GPAT3: variants seen among roughly 807,000 people sequenced by gnomAD.
GPAT3 encodes 1-AGP acyltransferase 9.
Under a neutral mutation model 58.8 loss-of-function variants are expected in GPAT3, and 53 were observed. The observed-to-expected ratio is 0.90, with a 90% CI of 0.72 to 1.13. GPAT3 has a LOEUF of 1.13. Ranked by LOEUF, GPAT3 falls within the 50% of genes most tolerant of loss-of-function variation. GPAT3 has a pLI of 0.00. For missense variants in GPAT3, 511 were observed against 527.6 expected (o/e 0.97, Z 0.31); for synonymous variants, 197 against 187.4 (o/e 1.05, Z -0.42).
In GPAT3 at chr4:83,565,585, G is replaced by A. The variant is rs369131797; in HGVS notation, c.209-15977G>A. Among the ~76,000 whole-genome samples, 29 of 151,524 alleles carry A rather than the reference G, an allele frequency of 1.9e-4. No individual in the cohort carries two copies. The East Asian group carries it at 5.7e-3, about 30-fold the overall frequency. ...GCGCTCTCGGCTCACCACAACCTCC[G>A]CCTCTAGGGCTCAAGCAATTCTGCC... On this transcript the variant is annotated intron_variant, in intron 2 of 11. Coordinates refer to ENST00000264409, the MANE Select transcript of GPAT3 (RefSeq NM_032717.5).
Position 83,604,697 on chromosome 4 carries a change from A to G in GPAT3, c.1235A>G (p.Lys412Arg). The G allele has an allele frequency of 3.1e-6, 5 of 1,613,998 alleles. No homozygotes were observed. The highest frequency in any genetic ancestry group is 4.2e-6 in the Non-Finnish European group (5 of 1,179,932). ...WDGGLKRAKV[K>R]DIFKEEQQKN... ...GGAGGACTAAAGAGAGCAAAGGTGAAGGACATCTTTAAGGAAGAGCAGCAG... is the reference window on the plus strand; with the variant it reads ...GGAGGACTAAAGAGAGCAAAGGTGAGGGACATCTTTAAGGAAGAGCAGCAG... Residue 412 changes from lysine to arginine, a missense_variant, in exon 12 of 12, where the codon AAG becomes AGG. Physicochemically the swap from Lys to Arg is conservative, Grantham distance 26. Coordinates refer to ENST00000264409, the MANE Select transcript of GPAT3 (RefSeq NM_032717.5).
At chr4:83,564,038 T>C (rs1042068131) in intron 2 of GPAT3, among the ~76,000 whole-genome samples, 3 of 152,190 alleles carry the variant, frequency 2.0e-5, no homozygotes, top group African/African-American at 7.2e-5. Flanking sequence ...TTCTTAGCAA[T>C]AGGATTGCTC....
chr4:83,547,517 G>T (rs1724588226), intron 2 of GPAT3, among the ~76,000 whole-genome samples: 2 of 152,014 alleles, frequency 1.3e-5, no homozygotes, highest in South Asian at 4.1e-4. Flanking sequence ...CTCCCAAAGT[G>T]CTGGGATTAC....
chr4:83,590,402 G>A lies in GPAT3; in HGVS notation c.738+110G>A, dbSNP rs181282539. ...GGTTTTATGTTAGAAATTTGACTGCGTTATACTATTGTAGCTATATAAGTT... is the reference window on the plus strand; with the variant it reads ...GGTTTTATGTTAGAAATTTGACTGCATTATACTATTGTAGCTATATAAGTT... On this transcript the variant is annotated intron_variant, in intron 6 of 11. Coordinates refer to ENST00000264409, the MANE Select transcript of GPAT3 (RefSeq NM_032717.5). The A allele has an allele frequency of 4.5e-4, 414 of 921,800 alleles. 3 individuals carry two copies. In the African/African-American group the frequency reaches 5.4e-3, roughly 12 times the overall value. 57.1% of individuals were successfully genotyped at this position (921,800 alleles called of 1,614,324 possible).
At chr4:83,538,494 C>G (rs1415090892) in intron 1 of GPAT3, among the ~76,000 whole-genome samples, 1 of 152,222 alleles carries the variant, frequency 6.6e-6, no homozygotes, top group Non-Finnish European at 1.5e-5. Context: ...TTTCTCTGAA[C>G]TCTGAAATGA....
chr4:83,536,590 C>G lies in GPAT3; in HGVS notation c.-33C>G, dbSNP rs1215357918. On this transcript the variant is annotated 5_prime_UTR_variant, in exon 1 of 12. Transcript: ENST00000264409. The stretch of plus-strand genomic sequence containing the variant: ...GACTGCTGTGGCGCTCGGCCCTCCA[C>G]TGCGGACCTCTCCTGAGTGGGTGCG... 1 of 1,604,568 alleles carries G rather than the reference C, an allele frequency of 6.2e-7. No individual in the cohort carries two copies. Among genetic ancestry groups the G allele is most frequent in the Non-Finnish European group, 8.5e-7 (1 of 1,175,700 alleles).
At chr4:83,539,071 C>G (rs1724201969) in intron 1 of GPAT3, among the ~76,000 whole-genome samples, 1 of 152,190 alleles carries the variant, frequency 6.6e-6, no homozygotes, top group Non-Finnish European at 1.5e-5. Flanking sequence ...TGCAGGAGAA[C>G]AGTAACCCAG....
rs1413141001 is a variant in GPAT3 at position 83,536,331 on chromosome 4, C to G, written c.-292C>G. The G allele has an allele frequency of 8.8e-7, 1 of 1,142,082 alleles. No homozygotes were observed. Among genetic ancestry groups the G allele is most frequent in the Non-Finnish European group, 1.1e-6 (1 of 929,422 alleles). 70.7% of individuals were successfully genotyped at this position (1,142,082 alleles called of 1,614,324 possible). A position where few individuals can be genotyped will look rare whatever the true frequency, so the allele number is the denominator to read the frequency against. ...GGTGTGCCTCCGCTTACCCGCAGCT[C>G]CGACCACTGGCTCGCGCTACCCAGG... On this transcript the variant is annotated 5_prime_UTR_variant, in exon 1 of 12. Transcript: ENST00000264409.
intron 10 of GPAT3, 79 bp downstream of exon 10, chr4:83,598,258 C>A: frequency 6.5e-7 from 1 of 1,546,652 alleles, no homozygotes; most frequent in South Asian, 1.2e-5. Flanking sequence ...TCTCCCTTCT[C>A]CATGTCATGC....
chr4:83,582,978 A>C (rs1726213225), intron 3 of GPAT3, among the ~76,000 whole-genome samples: 1 of 152,148 alleles, frequency 6.6e-6, no homozygotes. Context: ...TGCAGGAAGG[A>C]AATATTAGAG....
chr4:83,559,563 A>G (rs1456141934), intron 2 of GPAT3, among the ~76,000 whole-genome samples: 3 of 152,142 alleles, frequency 2.0e-5, no homozygotes, highest in East Asian at 1.9e-4. Flanking sequence ...AGCTCAGGCA[A>G]TCTGCTTGCC....
At chr4:83,585,506 A>C (rs1361902768) in intron 3 of GPAT3, among the ~76,000 whole-genome samples, 1 of 152,070 alleles carries the variant, frequency 6.6e-6, no homozygotes, top group Non-Finnish European at 1.5e-5. Context: ...ACATTATATC[A>C]GTACAGAATA....
At position 83,584,609 on chromosome 4, in the gene GPAT3, G is replaced by A. The variant is rs182675427; in HGVS notation, c.480-2646G>A. Among the ~76,000 whole-genome samples, 6 of 152,286 alleles carry A rather than the reference G, an allele frequency of 3.9e-5. No individual in the cohort carries two copies. The South Asian group carries it at 6.2e-4, about 16-fold the overall frequency. ...CAACCTCTGCCCGCTGAGTTCAAGC[G>A]ATTCTTATGCCTCAGCCTCTCGAGT... On this transcript the variant is annotated intron_variant, in intron 3 of 11. Coordinates refer to ENST00000264409, the MANE Select transcript of GPAT3 (RefSeq NM_032717.5).
rs757289136 is a variant in GPAT3 at position 83,581,602 on chromosome 4, C to T, written c.249C>T (p.Leu83=). 1 of 1,614,102 alleles carries T rather than the reference C, an allele frequency of 6.2e-7. No homozygotes were observed. The highest frequency in any genetic ancestry group is 1.3e-5 in the African/African-American group (1 of 75,022). Residue 83 remains leucine, a synonymous_variant, in exon 3 of 12, where the codon CTC becomes CTT. Transcript: ENST00000264409. ...QRDESPMEKG[L]SGLRGRDFEL... ...ATGAGTCACCCATGGAAAAAGGGCT[C>T]TCTGGTCTACGAGGAAGGGACTTTG...
intron 11 of GPAT3, among the ~76,000 whole-genome samples, chr4:83,600,085 G>T (rs1039297974): frequency 4.6e-5 from 7 of 152,130 alleles, no homozygotes; most frequent in African/African-American, 1.7e-4. Context: ...CCTTGGATAA[G>T]GGGGGAGTTA....
chr4:83,576,556 G>A (rs1308764484), intron 2 of GPAT3, among the ~76,000 whole-genome samples: 1 of 151,928 alleles, frequency 6.6e-6, no homozygotes. Flanking sequence ...CGATTCTCAT[G>A]CCTCAGCCTC....
At position 83,596,842 on chromosome 4, in the gene GPAT3, CTT is replaced by C; in HGVS notation, c.855-8_855-7del. On this transcript the variant is annotated splice_polypyrimidine_tract_variant and intron_variant, in intron 7 of 11. Coordinates refer to ENST00000264409, the MANE Select transcript of GPAT3 (RefSeq NM_032717.5). ...TCTTTATAAAGGCAGAATTTTGATCCTTTTTTTTTCCATAGACTAAAAGAACA... is the reference window on the plus strand; with the variant it reads ...TCTTTATAAAGGCAGAATTTTGATCCTTTTTTTCCATAGACTAAAAGAACA... 1 of 1,571,054 alleles carries C rather than the reference CTT, an allele frequency of 6.4e-7. No homozygotes were observed. Among genetic ancestry groups the C allele is most frequent in the African/African-American group, 1.4e-5 (1 of 73,364 alleles).
At chr4:83,576,530 G>A (rs966065965) in intron 2 of GPAT3, among the ~76,000 whole-genome samples, 2 of 151,782 alleles carry the variant, frequency 1.3e-5, no homozygotes, top group Admixed American at 6.6e-5. Context: ...TGTAACCTCT[G>A]CTTCCCCGAT....
At chr4:83,597,919 T>G (rs1264200147) in intron 9 of GPAT3, 132 bp from the exon 10 acceptor site, 22 of 1,042,054 alleles carry the variant, frequency 2.1e-5, no homozygotes, top group Non-Finnish European at 2.2e-5. Context: ...TTTTGATAAA[T>G]TCCATCAAGT....
Sources: allele counts gnomAD v4.1 joint callset (sites outside exome capture counted in the v4.1 genomes callset), GRCh38; gene constraint gnomAD v4.1.1; transcripts MANE v1.5; gene names NCBI Gene and HGNC (gene_info 2026-07-23, HGNC 2026-07-21).